Variants in CERS6 observed in about 807,000 individuals in gnomAD.
The protein encoded by CERS6 is LAG1 homolog, ceramide synthase 6.
Under a neutral mutation model 56.8 loss-of-function variants are expected in CERS6, and 26 were observed. The ratio of observed to expected loss-of-function variants is 0.46; its 90% CI spans 0.34 to 0.63. The LOEUF is 0.63. Ranked by LOEUF, CERS6 falls within the 30% of genes least tolerant of loss-of-function variation. CERS6 has a pLI of 0.01. For synonymous variants in CERS6, 164 were observed against 173.3 expected (o/e 0.95, Z 0.42); for missense variants, 415 against 467.5 (o/e 0.89, Z 1.04).
intron 4 of CERS6, among the ~76,000 whole-genome samples, chr2:168,641,137 C>T (rs1363727504): frequency 6.6e-6 from 1 of 152,166 alleles, no homozygotes; most frequent in Non-Finnish European, 1.5e-5. Context: ...ACCATTTAAC[C>T]CTTTCACAGA....
Position 168,619,548 on chromosome 2 carries a change from G to A in CERS6, c.408-11437G>A, listed in dbSNP as rs1250541977. On this transcript the variant is annotated intron_variant, in intron 3 of 9. Coordinates refer to ENST00000305747, the MANE Select transcript of CERS6 (RefSeq NM_203463.3). ...ACAATCCCATCAAAAAGTGGGTTAA[G>A]GACATTAATAGAGAATTCTCAAAAG... 7.9e-5 allele frequency among the ~76,000 whole-genome samples: 12 copies of A among 152,168 alleles called. No homozygotes were observed. The East Asian group carries it at 2.3e-3, about 29-fold the overall frequency.
chr2:168,540,462 C>T (rs1695347004), intron 1 of CERS6, among the ~76,000 whole-genome samples: 1 of 152,176 alleles, frequency 6.6e-6, no homozygotes, highest in Non-Finnish European at 1.5e-5. Flanking sequence ...AAGTACCATT[C>T]TGTTTTAATT....
At chr2:168,665,098 G>T (rs1468450879) in intron 4 of CERS6, among the ~76,000 whole-genome samples, 1 of 152,094 alleles carries the variant, frequency 6.6e-6, no homozygotes, top group African/African-American at 2.4e-5. Flanking sequence ...AAACACAGTT[G>T]CCACATCTTT....
intron 4 of CERS6, among the ~76,000 whole-genome samples, chr2:168,689,712 G>C (rs1408387873): frequency 1.3e-5 from 2 of 152,116 alleles, no homozygotes; most frequent in African/African-American, 4.8e-5. Context: ...GTGTTGAACA[G>C]GGAGCAAAAG....
At chr2:168,563,816 A>G (rs1470378910) in intron 3 of CERS6, among the ~76,000 whole-genome samples, 1 of 152,050 alleles carries the variant, frequency 6.6e-6, no homozygotes, top group Non-Finnish European at 1.5e-5. Flanking sequence ...AAATAACCAG[A>G]TATGTGTGTT....
At chr2:168,627,035 T>G (rs757545192) in intron 3 of CERS6, among the ~76,000 whole-genome samples, 1 of 152,154 alleles carries the variant, frequency 6.6e-6, no homozygotes, top group Non-Finnish European at 1.5e-5. Context: ...GGTAAATTTA[T>G]GTGTTTAATT....
intron 2 of CERS6, among the ~76,000 whole-genome samples, chr2:168,556,148 T>C (rs1405881263): frequency 1.3e-5 from 2 of 152,020 alleles, no homozygotes; most frequent in Non-Finnish European, 2.9e-5. Flanking sequence ...AAGAAACCCA[T>C]CCAGCTCTCT....
intron 1 of CERS6, 143 bp from the exon 2 acceptor site, chr2:168,547,453 G>T: frequency 3.5e-6 from 2 of 574,272 alleles, no homozygotes; most frequent in Non-Finnish European, 3.1e-6. Flanking sequence ...TACAGTTACT[G>T]ACAGGAGTGT....
intron 6 of CERS6, among the ~76,000 whole-genome samples, chr2:168,711,444 G>T (rs1014116096): frequency 6.6e-6 from 1 of 152,164 alleles, no homozygotes; most frequent in Non-Finnish European, 1.5e-5. Context: ...TCTCTTAATT[G>T]TATAGATAGC....
chr2:168,646,328 A>G (rs1685200630), intron 4 of CERS6, among the ~76,000 whole-genome samples: 1 of 151,996 alleles, frequency 6.6e-6, no homozygotes, highest in Non-Finnish European at 1.5e-5. Flanking sequence ...CTTGTTGGCC[A>G]CATGTGTGTC....
intron 3 of CERS6, among the ~76,000 whole-genome samples, chr2:168,574,218 A>G (rs895901187): frequency 5.9e-5 from 9 of 152,208 alleles, no homozygotes; most frequent in African/African-American, 2.2e-4. Context: ...GGATTGATTT[A>G]AAAATAAAAT....
chr2:168,487,792 A>G (rs1391830909), intron 1 of CERS6, among the ~76,000 whole-genome samples: 1 of 152,168 alleles, frequency 6.6e-6, no homozygotes, highest in Non-Finnish European at 1.5e-5. Flanking sequence ...TAGCTCAGCC[A>G]ATCATCCTGC....
chr2:168,502,342 A>T (rs1694597973), intron 1 of CERS6, among the ~76,000 whole-genome samples: 1 of 152,176 alleles, frequency 6.6e-6, no homozygotes, highest in Admixed American at 6.5e-5. Context: ...CAGTCAGAGT[A>T]TGGAAAGGAC....
At chr2:168,569,540 C>T (rs1052603167) in intron 3 of CERS6, among the ~76,000 whole-genome samples, 11 of 152,172 alleles carry the variant, frequency 7.2e-5, no homozygotes, top group Non-Finnish European at 7.3e-5. Context: ...CGCGTGCACA[C>T]GCGTGTGTGC....
chr2:168,762,564 C>A (rs1351111154), intron 8 of CERS6, among the ~76,000 whole-genome samples: 1 of 152,074 alleles, frequency 6.6e-6, no homozygotes, highest in Non-Finnish European at 1.5e-5. Flanking sequence ...GAAATCATTC[C>A]ATTTATACCA....
At chr2:168,735,734 C>T (rs1203284287) in intron 8 of CERS6, among the ~76,000 whole-genome samples, 2 of 150,828 alleles carry the variant, frequency 1.3e-5, no homozygotes, top group Non-Finnish European at 3.0e-5. Context: ...AAAAAAAAAT[C>T]AGCCAGGCGT....
chr2:168,723,724 A>G (rs1683257454), intron 8 of CERS6, among the ~76,000 whole-genome samples: 1 of 152,198 alleles, frequency 6.6e-6, no homozygotes, highest in African/African-American at 2.4e-5. Flanking sequence ...ACGTGATGGT[A>G]ATCTTTGTAG....
At chr2:168,463,340 A>G (rs1693810403) in intron 1 of CERS6, among the ~76,000 whole-genome samples, 1 of 152,208 alleles carries the variant, frequency 6.6e-6, no homozygotes, top group African/African-American at 2.4e-5. Context: ...ATTCAAAAAT[A>G]TTTTTAATGA....
At chr2:168,765,114 T>C (rs1188251706) in intron 8 of CERS6, among the ~76,000 whole-genome samples, 2 of 152,350 alleles carry the variant, frequency 1.3e-5, no homozygotes, top group Admixed American at 1.3e-4. Context: ...ACAAATACTA[T>C]ATGAATCTAC....
Sources: allele counts gnomAD v4.1 joint callset (sites outside exome capture counted in the v4.1 genomes callset), GRCh38; gene constraint gnomAD v4.1.1; transcripts MANE v1.5; gene names NCBI Gene and HGNC (gene_info 2026-07-23, HGNC 2026-07-21).